Variants in SEPTIN10 observed in about 807,000 individuals in gnomAD.
SEPTIN10 encodes septin-10.
In SEPTIN10, 66 loss-of-function variants were observed where a neutral mutation model predicts 54.8. That is an observed-to-expected ratio of 1.21 (90% CI 0.99 to 1.48). The LOEUF is 1.48. SEPTIN10 is among the 40% of genes most tolerant of loss of function. SEPTIN10 has a pLI of 0.00. For missense variants in SEPTIN10, 620 were observed against 545.6 expected, an observed-to-expected ratio of 1.14 and a Z score of -1.36; for synonymous variants, 161 against 181.0, an observed-to-expected ratio of 0.89 and a Z score of 0.89.
At position 109,574,908 on chromosome 2, in the gene SEPTIN10, TA is replaced by T. The variant is rs57973607; in HGVS notation, c.414-142del. The T allele has an allele frequency of 3.4e-3, 1,671 of 497,070 alleles. 19 individuals carry two copies. Among genetic ancestry groups the T allele is most frequent in the African/African-American group, 0.023 (1,138 of 50,248 alleles). 30.8% of individuals were successfully genotyped at this position (497,070 alleles called of 1,614,324 possible). On this transcript the variant is annotated intron_variant, in intron 4 of 10. Transcript: ENST00000397712. ...ATGCTGAACAGATTAACTTTAGTGA[TA>T]AAAAAATGTGCAGAACATGCGCAAA... is the stretch of plus-strand genomic sequence containing the variant.
At chr2:109,592,912 C>A (rs1694406788) in intron 2 of SEPTIN10, 139 bp downstream of exon 2, 1 of 453,890 alleles carries the variant, frequency 2.2e-6, no homozygotes, top group Non-Finnish European at 3.9e-6. Flanking sequence ...CTTGAATCAA[C>A]AGAAAAATTA....
intron 4 of SEPTIN10, 58 bp downstream of exon 4, chr2:109,585,068 T>C: frequency 1.9e-6 from 2 of 1,041,772 alleles, no homozygotes; most frequent in Admixed American, 2.5e-5. Flanking sequence ...CATGGGGCTA[T>C]AAGGCGAATG....
At chr2:109,568,920 C>T (rs1687710610) in intron 5 of SEPTIN10, among the ~76,000 whole-genome samples, 1 of 152,126 alleles carries the variant, frequency 6.6e-6, no homozygotes, top group South Asian at 2.1e-4. Context: ...ATTTGAAGTC[C>T]TATCACTGAC....
chr2:109,553,113 CTTCT>C lies in SEPTIN10; in HGVS notation c.1131_1134del (p.Glu378ProfsTer3), dbSNP rs1683406513. The C allele has an allele frequency of 1.2e-6, 2 of 1,613,208 alleles. No individual in the cohort carries two copies. The highest frequency in any genetic ancestry group is 1.7e-6 in the Non-Finnish European group (2 of 1,180,020). ...TCTCTCTCAGCTTCTTTCAATATGG[CTTCT>C]TTCTCCTTTACTCGCTGCACAAACA... On this transcript the variant is annotated frameshift_variant, in exon 9 of 11. Transcript: ENST00000397712. LOFTEE classifies it high-confidence loss of function.
At chr2:109,585,644 G>T in intron 3 of SEPTIN10, 77 bp downstream of exon 3, 1 of 974,948 alleles carries the variant, frequency 1.0e-6, no homozygotes, top group South Asian at 1.3e-5. Context: ...CATGAGCATT[G>T]TTCTGCCCAT....
chr2:109,607,934 C>A (rs1573885411), intron 1 of SEPTIN10, among the ~76,000 whole-genome samples: 1 of 151,996 alleles, frequency 6.6e-6, no homozygotes, highest in East Asian at 1.9e-4. Context: ...TCATGCAGTG[C>A]AAATGGGAAA....
At chr2:109,594,732 C>A (rs1309528815) in intron 1 of SEPTIN10, 5 of 152,252 alleles carry the variant, frequency 3.3e-5, no homozygotes, top group Non-Finnish European at 7.3e-5. Flanking sequence ...CGCATGCACA[C>A]ACGCACATGC....
At chr2:109,597,406 T>C (rs1019966114) in intron 1 of SEPTIN10, among the ~76,000 whole-genome samples, 5 of 152,218 alleles carry the variant, frequency 3.3e-5, no homozygotes, top group African/African-American at 1.2e-4. Context: ...ACCACCCACT[T>C]AGTATGTGTA....
chr2:109,565,224 C>A (rs369679366), intron 7 of SEPTIN10, among the ~76,000 whole-genome samples: 2 of 151,888 alleles, frequency 1.3e-5, no homozygotes, highest in African/African-American at 4.8e-5. Flanking sequence ...GAAAAAAAAT[C>A]AGCATTTGGA....
intron 5 of SEPTIN10, 27 bp from the exon 6 acceptor site, chr2:109,568,003 C>T: frequency 6.5e-7 from 1 of 1,532,452 alleles, no homozygotes; most frequent in Non-Finnish European, 8.8e-7. Flanking sequence ...AAAACAAAAT[C>T]TTACTGAGGA....
At chr2:109,552,879 C>T in intron 9 of SEPTIN10, 1 of 542,506 alleles carries the variant, frequency 1.8e-6, no homozygotes. Flanking sequence ...CATAAATGTA[C>T]TGCTTTAAAA....
intron 1 of SEPTIN10, among the ~76,000 whole-genome samples, chr2:109,598,794 T>G (rs1200457519): frequency 1.3e-5 from 2 of 151,960 alleles, no homozygotes; most frequent in Admixed American, 6.6e-5. Context: ...GCAGGAGAAC[T>G]GCTTGAACCA....
At chr2:109,587,933 A>C (rs1319661465) in intron 2 of SEPTIN10, among the ~76,000 whole-genome samples, 3 of 151,848 alleles carry the variant, frequency 2.0e-5, no homozygotes, top group East Asian at 1.9e-4. Context: ...AACAAAAACA[A>C]ACACACACAA....
intron 6 of SEPTIN10, 82 bp from the exon 7 acceptor site, chr2:109,565,941 G>A: frequency 4.0e-6 from 5 of 1,234,784 alleles, no homozygotes. Context: ...AGAGAGAAGA[G>A]AATAATTAAA....
rs950941003 is a variant in SEPTIN10, at chr2:109,559,911, C to T, written c.1028+4455G>A. ...GACCTATGTAGCCTCCAACCAATGC[C>T]TTTTTTTTTTTTTTTTTTTTGTCTT... is the stretch of plus-strand genomic sequence containing the variant. On this transcript the variant is annotated intron_variant, in intron 8 of 10. Coordinates refer to ENST00000397712, the MANE Select transcript of SEPTIN10 (RefSeq NM_144710.5). Among the ~76,000 whole-genome samples the T allele has an allele frequency of 9.9e-4, 116 of 117,552 alleles. 5 individuals are homozygous for T. The East Asian group carries it at 0.01, about 11-fold the overall frequency. The allele number at this position is 117,552 out of a possible 152,430, so 77.1% of individuals were successfully genotyped here. A position where few individuals can be genotyped will look rare whatever the true frequency, so the allele number is the denominator to read the frequency against.
intron 8 of SEPTIN10, among the ~76,000 whole-genome samples, chr2:109,561,246 A>G (rs1318295117): frequency 6.6e-6 from 1 of 151,978 alleles, no homozygotes; most frequent in Admixed American, 6.6e-5. Context: ...AGCCCTTTGT[A>G]TATGTCTTGC....
At chr2:109,552,562 G>C (rs1683236990) in intron 9 of SEPTIN10, 1 of 152,388 alleles carries the variant, frequency 6.6e-6, no homozygotes. Context: ...TCATAGTTTG[G>C]GAAGCATCAC....
At chr2:109,590,836 T>A (rs1253644950) in intron 2 of SEPTIN10, among the ~76,000 whole-genome samples, 1 of 152,040 alleles carries the variant, frequency 6.6e-6, no homozygotes, top group East Asian at 1.9e-4. Context: ...AATGGAGTGG[T>A]CTCTAGGAGC....
chr2:109,553,955 T>C (rs1683747630), intron 8 of SEPTIN10, among the ~76,000 whole-genome samples: 1 of 152,174 alleles, frequency 6.6e-6, no homozygotes, highest in South Asian at 2.1e-4. Flanking sequence ...TGAAGCAATG[T>C]ATGATTAAAC....
Sources: gnomAD v4.1 joint callset for allele counts (sites outside exome capture counted in the v4.1 genomes callset) on GRCh38, gnomAD v4.1.1 for gene constraint, MANE v1.5 for transcripts, NCBI Gene and HGNC (gene_info 2026-07-23, HGNC 2026-07-21) for gene names.